The following NTAQ1 variants were observed in gnomAD, a reference collection of about 807,000 sequenced individuals.
The protein encoded by NTAQ1 is protein N-terminal glutamine amidohydrolase.
Under a neutral mutation model 28.2 loss-of-function variants are expected in NTAQ1, and 21 were observed. The observed-to-expected ratio is 0.74, with a 90% CI of 0.53 to 1.07. NTAQ1 has a LOEUF of 1.07. Among genes scored for constraint, NTAQ1 ranks in the 50% least tolerant of loss-of-function variants. The probability of loss-of-function intolerance (pLI) is 0.00; values close to 1 mark genes in which losing one functional copy is unlikely to be tolerated. For synonymous variants in NTAQ1, 105 were observed against 90.0 expected (o/e 1.17, Z -0.94); for missense variants, 264 against 256.6 (o/e 1.03, Z -0.20).
chr8:123,428,142 A>G (rs768136040), intron 2 of NTAQ1, 119 bp downstream of exon 2: 4 of 653,358 alleles, frequency 6.1e-6, no homozygotes, highest in Non-Finnish European at 9.9e-6. Flanking sequence ...AGTGTGCTTT[A>G]TTAAATACAG....
rs527939186 is a variant in NTAQ1 at position 123,447,401 on chromosome 8, C to T, written c.*83-646C>T. Among the ~76,000 whole-genome samples, 3 of 151,990 alleles carry T rather than the reference C, an allele frequency of 2.0e-5. No homozygotes were observed. The South Asian group carries it at 6.2e-4, about 32-fold the overall frequency. ...AATCTAATGTCCTTTTTGATAATCA[C>T]CCTGGTTTTAAGAATATAACTGTCT... On this transcript the variant is annotated intron_variant, in intron 6 of 6. Transcript: ENST00000524254.
chr8:123,462,977 C>G lies in NTAQ1; in HGVS notation c.373-4102C>G, dbSNP rs543724533. On this transcript the variant is annotated intron_variant, in intron 6 of 6. Transcript: ENST00000650311. The stretch of plus-strand genomic sequence containing the variant: ...CTGTGAAGGGCATTTTGAAATACAT[C>G]TTAATGAATGCATTCTGCTCTCTTG... Among the ~76,000 whole-genome samples, 7 of 152,308 alleles carry G rather than the reference C, an allele frequency of 4.6e-5. No individual in the cohort carries two copies. The South Asian group carries it at 1.4e-3, about 32-fold the overall frequency.
chr8:123,424,329 G>A (rs188512193), intron 1 of NTAQ1, among the ~76,000 whole-genome samples: 191 of 151,866 alleles, frequency 1.3e-3, no homozygotes, highest in African/African-American at 4.4e-3. Flanking sequence ...TGCAACCGCC[G>A]CCTCCCAGGT....
At chr8:123,446,618 GTGT>G (rs1157722473), downstream of NTAQ1, among the ~76,000 whole-genome samples, 1 of 152,138 alleles carries the variant, frequency 6.6e-6, no homozygotes, top group Non-Finnish European at 1.5e-5. Flanking sequence ...AACTGTGTCT[GTGT>G]TGTTTTATCC....
At chr8:123,442,573 T>G (rs1815116623), downstream of NTAQ1, among the ~76,000 whole-genome samples, 1 of 135,982 alleles carries the variant, frequency 7.4e-6, no homozygotes, top group African/African-American at 2.8e-5. Context: ...CCAGCCTGGG[T>G]GACAGAGCAA....
the NTAQ1 span, among the ~76,000 whole-genome samples, chr8:123,475,514 G>A: frequency 6.6e-6 from 1 of 151,992 alleles, no homozygotes; most frequent in African/African-American, 2.4e-5. Flanking sequence ...TTATAAAATT[G>A]TATAATTTTA....
At chr8:123,454,421 T>G (rs1178260157) in intron 6 of NTAQ1, among the ~76,000 whole-genome samples, 1 of 152,150 alleles carries the variant, frequency 6.6e-6, no homozygotes, top group African/African-American at 2.4e-5. Flanking sequence ...CAGGCTGGAG[T>G]GCAATGGTGC....
intron 1 of NTAQ1, among the ~76,000 whole-genome samples, chr8:123,420,296 C>T (rs1211278897): frequency 6.6e-6 from 1 of 152,182 alleles, no homozygotes; most frequent in East Asian, 1.9e-4. Flanking sequence ...ATATATACCA[C>T]ATTTTCTTGA....
chr8:123,417,054 C>A, intron 1 of NTAQ1, 122 bp downstream of exon 1: 1 of 1,013,682 alleles, frequency 9.9e-7, no homozygotes, highest in Non-Finnish European at 1.3e-6. Context: ...GCGGGTTCTA[C>A]AGTTTTGCGG....
chr8:123,468,123 G>C (rs1306863027), exon 7 of NTAQ1, among the ~76,000 whole-genome samples: 2 of 152,228 alleles, frequency 1.3e-5, no homozygotes. Context: ...GGCCTCAGGA[G>C]ATAGGGATTC....
At chr8:123,430,556 T>G (rs1353032168) in intron 3 of NTAQ1, among the ~76,000 whole-genome samples, 3 of 152,142 alleles carry the variant, frequency 2.0e-5, no homozygotes, top group Admixed American at 2.0e-4. Context: ...GGTAGGTGGA[T>G]CACTTGAGGC....
chr8:123,421,303 C>T (rs1813675318), intron 1 of NTAQ1, among the ~76,000 whole-genome samples: 1 of 151,514 alleles, frequency 6.6e-6, no homozygotes, highest in Non-Finnish European at 1.5e-5. Context: ...TGGTCTTGAA[C>T]TTTTGGGCTC....
At chr8:123,424,386 G>C (rs911376204) in intron 1 of NTAQ1, among the ~76,000 whole-genome samples, 1 of 152,076 alleles carries the variant, frequency 6.6e-6, no homozygotes, top group African/African-American at 2.4e-5. Context: ...GGGATTACAG[G>C]TGCCTGCCAC....
intron 5 of NTAQ1, among the ~76,000 whole-genome samples, chr8:123,439,751 A>G (rs371720454): frequency 6.6e-6 from 1 of 151,796 alleles, no homozygotes; most frequent in African/African-American, 2.4e-5. Flanking sequence ...TGGCCTCCCA[A>G]AGTGCTGGGA....
chr8:123,417,414 T>C (rs1783294836), intron 1 of NTAQ1, among the ~76,000 whole-genome samples: 1 of 152,120 alleles, frequency 6.6e-6, no homozygotes, highest in African/African-American at 2.4e-5. Flanking sequence ...ACAATAACCG[T>C]AAGAGGTAGG....
chr8:123,428,153 CA>C, intron 2 of NTAQ1, 130 bp downstream of exon 2: 2 of 600,320 alleles, frequency 3.3e-6, no homozygotes, highest in Non-Finnish European at 5.5e-6. Context: ...TTAAATACAG[CA>C]ACATTTAAAA....
chr8:123,474,851 C>T (rs28763693), downstream of NTAQ1, among the ~76,000 whole-genome samples: 690 of 152,290 alleles, frequency 4.5e-3, 5 homozygotes, highest in African/African-American at 0.016. Context: ...CCTGCCATTG[C>T]ACTCTAGCCT....
chr8:123,448,378 C>A (rs1357073582), downstream of NTAQ1, among the ~76,000 whole-genome samples: 1 of 152,124 alleles, frequency 6.6e-6, no homozygotes, highest in Non-Finnish European at 1.5e-5. Flanking sequence ...TTTGGAAGGC[C>A]AAGGCGGGTG....
chr8:123,456,672 G>C (rs1323668240), intron 6 of NTAQ1, among the ~76,000 whole-genome samples: 1 of 152,180 alleles, frequency 6.6e-6, no homozygotes, highest in Non-Finnish European at 1.5e-5. Context: ...TTTTTAACAA[G>C]AACTGTCACT....
Sources: allele counts gnomAD v4.1 joint callset (sites outside exome capture counted in the v4.1 genomes callset), GRCh38; gene constraint gnomAD v4.1.1; transcripts MANE v1.5; gene names NCBI Gene and HGNC (gene_info 2026-07-23, HGNC 2026-07-21).